Variants in MAP3K5 observed in about 807,000 individuals in gnomAD.
MAP3K5 encodes the protein ASK-1.
A neutral mutation model predicts 158.7 loss-of-function variants in MAP3K5; 56 were observed. The observed-to-expected ratio is 0.35, with a 90% CI of 0.28 to 0.44. The LOEUF is 0.44. MAP3K5 is among the 20% of genes least tolerant of loss of function. The pLI, the probability that MAP3K5 is intolerant of heterozygous loss-of-function variation, is 1.00. For synonymous variants in MAP3K5, 579 were observed against 601.7 expected (o/e 0.96, Z 0.55); for missense variants, 1,294 against 1,674.8 (o/e 0.77, Z 3.97).
intron 8 of MAP3K5, among the ~76,000 whole-genome samples, chr6:136,666,076 T>G (rs2114504649): frequency 6.6e-6 from 1 of 152,332 alleles, no homozygotes; most frequent in South Asian, 2.1e-4. Flanking sequence ...GTTTGAATAT[T>G]ATTTTTAAGG....
At chr6:136,720,217 C>T (rs1426730203) in intron 2 of MAP3K5, among the ~76,000 whole-genome samples, 28 of 152,160 alleles carry the variant, frequency 1.8e-4, no homozygotes, top group Admixed American at 1.8e-3. Context: ...GTCTCCTCCG[C>T]TACAACCATG....
At chr6:136,642,839 C>G (rs1190416706) in intron 11 of MAP3K5, among the ~76,000 whole-genome samples, 1 of 152,064 alleles carries the variant, frequency 6.6e-6, no homozygotes, top group East Asian at 1.9e-4. Flanking sequence ...AACTTGATAT[C>G]TAGTAATAAC....
At chr6:136,661,570 T>A (rs185476984) in intron 8 of MAP3K5, among the ~76,000 whole-genome samples, 24 of 152,156 alleles carry the variant, frequency 1.6e-4, no homozygotes, top group Admixed American at 1.4e-3. Context: ...TAAATTTTGT[T>A]TTTTTTTCCT....
chr6:136,659,263 G>T lies in MAP3K5; in HGVS notation c.1482C>A (p.Val494=), dbSNP rs1214081852. 3.1e-6 allele frequency: 5 copies of T among 1,614,108 alleles called. No individual in the cohort carries two copies. The South Asian group carries it at 4.4e-5, about 14-fold the overall frequency. The part of the protein sequence containing the change: ...ASVLANDHMR[V]IQASEKLFKL... ...TAAAAAGCTTTTCAGATGCTTGAAT[G>T]ACTCTCATGTGGTCATTGGCTAGGA... The change falls in exon 9 of 30, where the codon GTC becomes GTA. Residue 494 remains valine, a synonymous_variant. Transcript: ENST00000359015.
chr6:136,609,159 G>C lies in MAP3K5; in HGVS notation c.2521+2123C>G, dbSNP rs1478900187. On this transcript the variant is annotated intron_variant, in intron 18 of 29. Coordinates refer to ENST00000359015, the MANE Select transcript of MAP3K5 (RefSeq NM_005923.4). This position sits in a 1 kb window ranked among gnomAD's most constrained non-coding sequence, Gnocchi z 4.4. ...GTGTTAACATCCTGTCCCACAAAGTGTGTGAAACGAGGGATTTTCCTCTCA... is the reference window on the plus strand; with the variant it reads ...GTGTTAACATCCTGTCCCACAAAGTCTGTGAAACGAGGGATTTTCCTCTCA... Among the ~76,000 whole-genome samples, 1 of 152,206 alleles carries C rather than the reference G, an allele frequency of 6.6e-6. No homozygotes were observed. The highest frequency in any genetic ancestry group is 1.9e-4 in the East Asian group (1 of 5,200).
intron 1 of MAP3K5, among the ~76,000 whole-genome samples, chr6:136,791,077 A>T (rs943758771): frequency 6.6e-6 from 1 of 152,226 alleles, no homozygotes; most frequent in Non-Finnish European, 1.5e-5. Flanking sequence ...CTTTCACCAA[A>T]ATCCTTACAA....
At chr6:136,687,923 A>T (rs930327907) in intron 7 of MAP3K5, among the ~76,000 whole-genome samples, 3 of 152,226 alleles carry the variant, frequency 2.0e-5, no homozygotes, top group Non-Finnish European at 1.5e-5. Flanking sequence ...TTATTGGTAT[A>T]TACCCAAAGG....
intron 10 of MAP3K5, among the ~76,000 whole-genome samples, chr6:136,651,433 T>G (rs973397670): frequency 8.5e-5 from 13 of 152,246 alleles, no homozygotes; most frequent in South Asian, 2.1e-4. Flanking sequence ...CTACATAAGC[T>G]ATTTCTATAA....
At chr6:136,630,142 T>G (rs1385429653) in intron 14 of MAP3K5, 1 of 152,180 alleles carries the variant, frequency 6.6e-6, no homozygotes, top group Non-Finnish European at 1.5e-5. Flanking sequence ...CTTCCCTGGT[T>G]TATTATTCTC....
intron 2 of MAP3K5, among the ~76,000 whole-genome samples, chr6:136,705,588 G>C (rs780896673): frequency 3.3e-5 from 5 of 152,144 alleles, no homozygotes; most frequent in Non-Finnish European, 5.9e-5. Context: ...TTACAGGTGC[G>C]AGCCACGATG....
At chr6:136,666,116 T>G (rs1199165826) in intron 8 of MAP3K5, among the ~76,000 whole-genome samples, 2 of 152,184 alleles carry the variant, frequency 1.3e-5, no homozygotes, top group Non-Finnish European at 2.9e-5. Context: ...GAAGAAGATG[T>G]AGGATATGGC....
Position 136,654,259 on chromosome 6 carries a change from C to G in MAP3K5, c.1680+2048G>C, listed in dbSNP as rs567515119. 9.2e-4 allele frequency among the ~76,000 whole-genome samples: 140 copies of G among 152,296 alleles called. 2 individuals are homozygous for G. Among genetic ancestry groups the G allele is most frequent in the South Asian group, 2.3e-3 (11 of 4,828 alleles). ...CCCAGAATATTCAGCAATTCCTATG[C>G]CCACCAGCAGGCTCTAAAAATGCTC... On this transcript the variant is annotated intron_variant, in intron 10 of 29. Coordinates refer to ENST00000359015, the MANE Select transcript of MAP3K5 (RefSeq NM_005923.4).
At position 136,652,181 on chromosome 6, in the gene MAP3K5, G is replaced by C. The variant is rs530262938; in HGVS notation, c.1681-1090C>G. Among the ~76,000 whole-genome samples the C allele has an allele frequency of 6.2e-4, 95 of 152,194 alleles. 1 individual carries two copies. Among genetic ancestry groups the C allele is most frequent in the African/African-American group, 2.2e-3 (92 of 41,530 alleles). ...CATGAAATGCACTCTCAGAAAGCAG[G>C]CACAAGAATCTGGGCATATTTGTTT... On this transcript the variant is annotated intron_variant, in intron 10 of 29. Coordinates refer to ENST00000359015, the MANE Select transcript of MAP3K5 (RefSeq NM_005923.4).
At chr6:136,637,468 C>A in intron 13 of MAP3K5, 62 bp from the exon 14 acceptor site, 1 of 989,422 alleles carries the variant, frequency 1.0e-6, no homozygotes, top group Non-Finnish European at 1.6e-6. Context: ...TAAGCAAGTA[C>A]ATCTCAAAGT....
Position 136,613,354 on chromosome 6 carries a change from T to C in MAP3K5, c.2279-98A>G, listed in dbSNP as rs907834230. The C allele has an allele frequency of 1.0e-5, 11 of 1,068,198 alleles. No homozygotes were observed. The Admixed American group carries it at 1.1e-4, about 10-fold the overall frequency. The allele number at this position is 1,068,198 out of a possible 1,614,324, so 66.2% of individuals were successfully genotyped here. On this transcript the variant is annotated intron_variant, in intron 16 of 29. Coordinates refer to ENST00000359015, the MANE Select transcript of MAP3K5 (RefSeq NM_005923.4). The surrounding 1 kb of genome is among the most constrained non-coding windows in gnomAD (Gnocchi z 4.0). ...AGTAATTTAAGCTAACAGTCATTGG[T>C]TCTTCACAGTGGCCCAGGAGCTATA...
At chr6:136,783,817 G>C (rs533786315) in intron 1 of MAP3K5, among the ~76,000 whole-genome samples, 31 of 152,294 alleles carry the variant, frequency 2.0e-4, no homozygotes, top group African/African-American at 7.5e-4. Context: ...TGTTTGAAGG[G>C]ACCACTTGGA....
intron 1 of MAP3K5, among the ~76,000 whole-genome samples, chr6:136,787,458 T>C (rs1374428703): frequency 6.6e-6 from 1 of 152,232 alleles, no homozygotes; most frequent in African/African-American, 2.4e-5. Flanking sequence ...CATTTTAAAG[T>C]ACAGAATTTG....
At chr6:136,593,122 T>C (rs1186789419) in intron 21 of MAP3K5, among the ~76,000 whole-genome samples, 1 of 152,162 alleles carries the variant, frequency 6.6e-6, no homozygotes, top group East Asian at 1.9e-4. Flanking sequence ...AGAGAAAATA[T>C]GCTGACTGTC....
chr6:136,594,070 T>C (rs1458942604), intron 21 of MAP3K5, among the ~76,000 whole-genome samples: 1 of 152,216 alleles, frequency 6.6e-6, no homozygotes, highest in Non-Finnish European at 1.5e-5. Context: ...TAAATAGTTC[T>C]GTAGCTGAAT....
Sources: allele counts gnomAD v4.1 joint callset (sites outside exome capture counted in the v4.1 genomes callset), GRCh38; gene constraint gnomAD v4.1.1; non-coding constraint Gnocchi (gnomAD v3.1); transcripts MANE v1.5; gene names NCBI Gene and HGNC (gene_info 2026-07-23, HGNC 2026-07-21).